Variants in CRYL1 observed in about 807,000 individuals in gnomAD.
CRYL1 encodes lambda-crystallin homolog.
Under a neutral mutation model 36.6 loss-of-function variants are expected in CRYL1, and 29 were observed. The ratio of observed to expected loss-of-function variants is 0.79; its 90% CI spans 0.59 to 1.08. The LOEUF is 1.08. Among genes scored for constraint, CRYL1 ranks in the 50% least tolerant of loss-of-function variants. The pLI is 0.00. For missense variants in CRYL1, 411 were observed against 407.9 expected (o/e 1.01, Z -0.06); for synonymous variants, 152 against 151.5 (o/e 1.00, Z -0.02).
At chr13:20,407,630 T>A (rs190990616) in intron 6 of CRYL1, among the ~76,000 whole-genome samples, 7 of 152,342 alleles carry the variant, frequency 4.6e-5, no homozygotes, top group Non-Finnish European at 5.9e-5. Flanking sequence ...TTTTTTCTTC[T>A]GTGCTTCCAT....
intron 3 of CRYL1, among the ~76,000 whole-genome samples, chr13:20,453,206 C>A (rs1037202567): frequency 6.6e-6 from 1 of 152,094 alleles, no homozygotes; most frequent in Admixed American, 6.6e-5. Flanking sequence ...TATAGTCTGG[C>A]CATGAAACAA....
rs141066967 is a variant in CRYL1, at chr13:20,494,082, A to G, written c.150-4586T>C. ...CATTTGAATTTTTCAGTTTTTAACTATACGATTTATATAAGTTTGACCTGC... is the reference window on the plus strand; with the variant it reads ...CATTTGAATTTTTCAGTTTTTAACTGTACGATTTATATAAGTTTGACCTGC... On this transcript the variant is annotated intron_variant, in intron 2 of 7. Coordinates refer to ENST00000298248, the MANE Select transcript of CRYL1 (RefSeq NM_015974.3). 5.9e-5 allele frequency among the ~76,000 whole-genome samples: 9 copies of G among 152,378 alleles called. No individual in the cohort carries two copies. In the East Asian group the frequency reaches 1.7e-3, roughly 29 times the overall value.
chr13:20,468,737 C>T (rs866661195), intron 3 of CRYL1, among the ~76,000 whole-genome samples: 6 of 152,122 alleles, frequency 3.9e-5, no homozygotes, highest in Admixed American at 3.9e-4. Flanking sequence ...TCCTGAGTGG[C>T]GAAGACTACA....
At chr13:20,464,808 T>C (rs2032900033) in intron 3 of CRYL1, among the ~76,000 whole-genome samples, 1 of 152,236 alleles carries the variant, frequency 6.6e-6, no homozygotes, top group Non-Finnish European at 1.5e-5. Flanking sequence ...GATTTGTCTC[T>C]TTTGCTTTAG....
intron 3 of CRYL1, among the ~76,000 whole-genome samples, chr13:20,474,500 ATTTGAC>A (rs1213750700): frequency 6.6e-6 from 1 of 152,180 alleles, no homozygotes; most frequent in Non-Finnish European, 1.5e-5. Context: ...GTCAGCCCCT[ATTTGAC>A]AAGATGCATA....
chr13:20,493,696 G>T (rs1490788219), intron 2 of CRYL1, among the ~76,000 whole-genome samples: 2 of 152,104 alleles, frequency 1.3e-5, no homozygotes, highest in African/African-American at 2.4e-5. Flanking sequence ...AGGAGAAGGA[G>T]AAGAAATGCA....
rs1042436118 is a variant in CRYL1, at chr13:20,518,456, T to G, written c.42-5906A>C. On this transcript the variant is annotated intron_variant, in intron 1 of 7. Transcript: ENST00000298248. ...TGGTCCAGATCAACAAGGCTGGTGCTCTGCTGGAGGGGCGGTGGGGGGAGA... is the reference window on the plus strand; with the variant it reads ...TGGTCCAGATCAACAAGGCTGGTGCGCTGCTGGAGGGGCGGTGGGGGGAGA... 2.6e-5 allele frequency among the ~76,000 whole-genome samples: 4 copies of G among 151,922 alleles called. No individual in the cohort carries two copies. The East Asian group carries it at 7.7e-4, about 29-fold the overall frequency.
chr13:20,492,679 C>A (rs546593012), intron 2 of CRYL1, among the ~76,000 whole-genome samples: 1 of 152,182 alleles, frequency 6.6e-6, no homozygotes, highest in East Asian at 1.9e-4. Flanking sequence ...GATAATCTCC[C>A]CATCTTGCCA....
At chr13:20,436,985 A>G (rs115966120) in intron 4 of CRYL1, among the ~76,000 whole-genome samples, 6,302 of 152,034 alleles carry the variant, frequency 0.041, 463 homozygotes, top group African/African-American at 0.14. Context: ...CCAGTCCCCT[A>G]GAGGTCCCGT....
chr13:20,481,900 C>T lies in CRYL1; in HGVS notation c.276+7470G>A, dbSNP rs1001071083. On this transcript the variant is annotated intron_variant, in intron 3 of 7. Transcript: ENST00000298248. This position sits in a 1 kb window ranked among gnomAD's most constrained non-coding sequence, Gnocchi z 4.1. ...CACTCCAGCCTGGGTGACAAAGGTG[C>T]GACTCCATCTCGAAAGGAAAAAGAA... is the stretch of plus-strand genomic sequence containing the variant. Among the ~76,000 whole-genome samples, 6 of 151,908 alleles carry T rather than the reference C, an allele frequency of 3.9e-5. No individual in the cohort carries two copies. The highest frequency in any genetic ancestry group is 2.0e-4 in the Admixed American group (3 of 15,224).
chr13:20,496,876 G>C (rs541594267), intron 2 of CRYL1, among the ~76,000 whole-genome samples: 43 of 147,460 alleles, frequency 2.9e-4, no homozygotes, highest in African/African-American at 1.0e-3. Context: ...AGGCCCACAA[G>C]GTCAGAGATT....
intron 3 of CRYL1, among the ~76,000 whole-genome samples, chr13:20,453,357 A>C (rs1006624649): frequency 2.0e-5 from 3 of 152,148 alleles, no homozygotes; most frequent in Admixed American, 6.6e-5. Flanking sequence ...TCTACAGTCA[A>C]GGTGAAATTC....
chr13:20,407,028 C>A (rs1037793845), intron 6 of CRYL1, among the ~76,000 whole-genome samples: 2 of 150,690 alleles, frequency 1.3e-5, no homozygotes, highest in African/African-American at 2.4e-5. Flanking sequence ...TTCCTTTCTG[C>A]CTTTGTAACG....
At chr13:20,491,609 G>A (rs2033514256) in intron 2 of CRYL1, among the ~76,000 whole-genome samples, 1 of 152,118 alleles carries the variant, frequency 6.6e-6, no homozygotes, top group Non-Finnish European at 1.5e-5. Flanking sequence ...TGGGCAACAT[G>A]GTGAAACCTC....
At chr13:20,429,154 A>T (rs2137385643) in intron 5 of CRYL1, among the ~76,000 whole-genome samples, 1 of 152,310 alleles carries the variant, frequency 6.6e-6, no homozygotes, top group Non-Finnish European at 1.5e-5. Context: ...ACTGAGGAGA[A>T]GCTCTGCAAG....
intron 5 of CRYL1, among the ~76,000 whole-genome samples, chr13:20,424,507 A>AGACAGAG (rs2137379762): frequency 6.6e-6 from 1 of 152,352 alleles, no homozygotes; most frequent in Admixed American, 6.5e-5. Flanking sequence ...AAGGCGCAGA[A>AGACAGAG]GACAGAGGCC....
At chr13:20,436,256 C>A (rs1199748355) in intron 4 of CRYL1, among the ~76,000 whole-genome samples, 1 of 152,178 alleles carries the variant, frequency 6.6e-6, no homozygotes, top group African/African-American at 2.4e-5. Flanking sequence ...GCTCCGAAGA[C>A]CCCACCAGCC....
intron 1 of CRYL1, 27 bp from the exon 2 acceptor site, chr13:20,512,577 G>A (rs375367125): frequency 1.5e-5 from 23 of 1,544,290 alleles, no homozygotes; most frequent in South Asian, 3.4e-5. Context: ...GAAAGGATTC[G>A]AGTTAATTTA....
At chr13:20,424,458 C>T (rs2031890231) in intron 5 of CRYL1, among the ~76,000 whole-genome samples, 1 of 152,212 alleles carries the variant, frequency 6.6e-6, no homozygotes, top group African/African-American at 2.4e-5. Flanking sequence ...TCTGGTAAGG[C>T]ACTTACTCCC....
Sources: gnomAD v4.1 joint callset for allele counts (sites outside exome capture counted in the v4.1 genomes callset) on GRCh38, gnomAD v4.1.1 for gene constraint, Gnocchi (gnomAD v3.1) non-coding constraint, MANE v1.5 for transcripts, NCBI Gene and HGNC (gene_info 2026-07-23, HGNC 2026-07-21) for gene names.